UBE3C: variants seen among roughly 807,000 people sequenced by gnomAD.
The protein encoded by UBE3C is ubiquitin protein ligase E3C.
UBE3C carries 42 observed loss-of-function variants against 129.4 expected under a neutral mutation model. The ratio of observed to expected loss-of-function variants is 0.32; its 90% CI spans 0.25 to 0.42. The LOEUF (loss-of-function observed/expected upper bound fraction) is 0.42, where lower values mean the gene tolerates loss of function less well. Ranked by LOEUF, UBE3C falls within the 10% of genes least tolerant of loss-of-function variation. UBE3C has a pLI of 1.00. For missense variants in UBE3C, 1,049 were observed against 1,319.1 expected (o/e 0.80, Z 3.17); for synonymous variants, 510 against 492.4 (o/e 1.04, Z -0.47).
chr7:157,201,411 A>G (rs1024664461), intron 10 of UBE3C, among the ~76,000 whole-genome samples: 15 of 149,260 alleles, frequency 1.0e-4, no homozygotes, highest in Non-Finnish European at 1.9e-4. Flanking sequence ...GCAGAGGGGG[A>G]GCAGGTTCAA....
At position 157,216,989 on chromosome 7, in the gene UBE3C, T is replaced by TTTTAATA; in HGVS notation, c.1914+23_1914+29dup. On this transcript the variant is annotated intron_variant, in intron 14 of 22. Coordinates refer to ENST00000348165, the MANE Select transcript of UBE3C (RefSeq NM_014671.3). ...CAGATAAGGTGTTATTGAAAGATCT[T>TTTTAATA]TTTAATATTTATCATTAAAAAATAC... 2.5e-6 allele frequency: 4 copies of TTTTAATA among 1,574,810 alleles called. No homozygotes were observed. The highest frequency in any genetic ancestry group is 3.5e-6 in the Non-Finnish European group (4 of 1,149,378).
chr7:157,265,826 A>ATGAGAATT (rs1797062554), intron 22 of UBE3C, among the ~76,000 whole-genome samples: 1 of 152,250 alleles, frequency 6.6e-6, no homozygotes, highest in Non-Finnish European at 1.5e-5. Context: ...TGATACAGGG[A>ATGAGAATT]TGAGAATTTT....
At chr7:157,225,366 C>T (rs755319681) in intron 16 of UBE3C, 41 bp from the exon 17 acceptor site, 11 of 1,568,818 alleles carry the variant, frequency 7.0e-6, no homozygotes, top group Non-Finnish European at 6.8e-6. Context: ...TGTAAGAGGT[C>T]TTTTGTTTCT....
At chr7:157,198,384 T>C in intron 10 of UBE3C, 1 of 715,144 alleles carries the variant, frequency 1.4e-6, no homozygotes, top group South Asian at 1.5e-5. Context: ...ATGTCATCCC[T>C]TTGGCTGTTT....
chr7:157,210,199 A>T (rs1809552869), intron 13 of UBE3C, among the ~76,000 whole-genome samples: 1 of 151,696 alleles, frequency 6.6e-6, no homozygotes, highest in Admixed American at 6.6e-5. Context: ...GTGAAAATTT[A>T]CCTTTTTTTT....
chr7:157,210,668 A>C (rs1809565341), intron 13 of UBE3C, among the ~76,000 whole-genome samples: 1 of 152,258 alleles, frequency 6.6e-6, no homozygotes, highest in South Asian at 2.1e-4. Context: ...GTTGTGCCAA[A>C]TTTGAGTTGA....
At chr7:157,198,443 G>A (rs755149574) in intron 10 of UBE3C, 11 of 530,746 alleles carry the variant, frequency 2.1e-5, no homozygotes, top group African/African-American at 1.5e-4. Flanking sequence ...AATCCTGTGC[G>A]CTCGGAGGCC....
chr7:157,216,184 A>G (rs1238763729), intron 13 of UBE3C, among the ~76,000 whole-genome samples: 3 of 151,958 alleles, frequency 2.0e-5, no homozygotes, highest in Non-Finnish European at 4.4e-5. Context: ...TCTTTGGGAG[A>G]TGTGACAGTG....
intron 19 of UBE3C, among the ~76,000 whole-genome samples, chr7:157,251,864 G>A (rs1796628190): frequency 6.6e-6 from 1 of 152,192 alleles, no homozygotes; most frequent in Non-Finnish European, 1.5e-5. Context: ...GCTGGGCGCA[G>A]TGGCTCACGG....
chr7:157,152,203 CAGAGCTGGGAGGAAGGTAGTCAGGGAG>C, intron 1 of UBE3C, among the ~76,000 whole-genome samples: 1 of 148,646 alleles, frequency 6.7e-6, no homozygotes, highest in East Asian at 2.0e-4. Context: ...TAGTCAGGGA[CAGAGCTGGGAGGAAGGTAGTCAGGGAG>C]AGAGCTGGGG....
intron 18 of UBE3C, among the ~76,000 whole-genome samples, chr7:157,243,168 G>T (rs904155516): frequency 1.3e-5 from 2 of 152,114 alleles, no homozygotes; most frequent in Non-Finnish European, 2.9e-5. Context: ...TGTCCTCCAC[G>T]GTCCCCATCC....
intron 18 of UBE3C, among the ~76,000 whole-genome samples, chr7:157,238,200 G>C (rs775550761): frequency 7.2e-5 from 11 of 152,150 alleles, no homozygotes; most frequent in African/African-American, 2.2e-4. Flanking sequence ...CTTAAAATCA[G>C]CTTTGAGAGG....
chr7:157,230,880 G>A (rs751166488), intron 17 of UBE3C, among the ~76,000 whole-genome samples, 200 bp from the exon 18 acceptor site: 25 of 152,068 alleles, frequency 1.6e-4, no homozygotes, highest in African/African-American at 5.3e-4. Context: ...AGCCGAGATC[G>A]TGCCACTGCA....
intron 10 of UBE3C, 69 bp downstream of exon 10, chr7:157,187,090 C>T (rs1722767545): frequency 6.7e-7 from 1 of 1,487,924 alleles, no homozygotes; most frequent in Non-Finnish European, 9.0e-7. Flanking sequence ...CTGGGAATTG[C>T]TCTCCTCTTA....
intron 1 of UBE3C, among the ~76,000 whole-genome samples, chr7:157,148,196 A>C (rs1036836565): frequency 6.6e-6 from 1 of 151,978 alleles, no homozygotes; most frequent in Admixed American, 6.6e-5. Flanking sequence ...CATCTCCCGA[A>C]TTCAAGTGAT....
intron 1 of UBE3C, 42 bp downstream of exon 1, chr7:157,139,380 C>A: frequency 6.8e-7 from 1 of 1,469,364 alleles, no homozygotes; most frequent in South Asian, 1.2e-5. Flanking sequence ...TCGGGGCCTG[C>A]GCGGCCGGGG....
At chr7:157,256,474 T>A (rs977392996) in intron 21 of UBE3C, among the ~76,000 whole-genome samples, 2 of 151,090 alleles carry the variant, frequency 1.3e-5, no homozygotes, top group Non-Finnish European at 3.0e-5. Context: ...TGCTCTCCCC[T>A]TCTCGTACTT....
At position 157,181,546 on chromosome 7, in the gene UBE3C, T is replaced by G; in HGVS notation, c.645T>G (p.Ile215Met). The G allele has an allele frequency of 6.2e-7, 1 of 1,611,406 alleles. No homozygotes were observed. Among genetic ancestry groups the G allele is most frequent in the Non-Finnish European group, 8.5e-7 (1 of 1,179,290 alleles). ...NGYYRSLYLLINSKLPSSIEY... is the reference protein window; with the variant it reads ...NGYYRSLYLLMNSKLPSSIEY... ...ATTATAGGTCTCTATATTTGTTGAT[T>G]AACAGCAAGCTTCCATCAAGTATTG... Residue 215 changes from isoleucine (I) to methionine (M), a missense_variant, in exon 7 of 23, where the codon ATT (isoleucine) becomes ATG (methionine). By Grantham distance (10) the Ile-to-Met change is conservative. Around this residue, in one of 4 missense-constraint regions of UBE3C, gnomAD observed 489 missense variants for 513.8 expected, o/e 0.95. Coordinates refer to ENST00000348165, the MANE Select transcript of UBE3C (RefSeq NM_014671.3).
chr7:157,233,102 A>AT (rs113348430), intron 18 of UBE3C, among the ~76,000 whole-genome samples: 29,500 of 148,266 alleles, frequency 0.2, 3,023 homozygotes, highest in East Asian at 0.39. Context: ...GTCTGTATGG[A>AT]TTTTTTTTTT....
Sources: gnomAD v4.1 joint callset for allele counts (sites outside exome capture counted in the v4.1 genomes callset) on GRCh38, gnomAD v4.1.1 for gene constraint, gnomAD v4.1.1 regional missense constraint, MANE v1.5 for transcripts, NCBI Gene and HGNC (gene_info 2026-07-23, HGNC 2026-07-21) for gene names.